The following NKX3-2 variants were observed in gnomAD, a reference collection of about 807,000 sequenced individuals.
NKX3-2 encodes NK3 homeobox 2.
NKX3-2 carries 13 observed loss-of-function variants against 19.4 expected under a neutral mutation model. That is an observed-to-expected ratio of 0.67 (90% CI 0.44 to 1.07). The LOEUF (loss-of-function observed/expected upper bound fraction) is 1.07. NKX3-2 is among the 50% of genes least tolerant of loss of function. The probability of loss-of-function intolerance (pLI) is 0.00; values close to 1 mark genes in which losing one functional copy is unlikely to be tolerated. For missense variants in NKX3-2, 562 were observed against 488.2 expected, an observed-to-expected ratio of 1.15 and a Z score of -1.42; for synonymous variants, 269 against 230.5, an observed-to-expected ratio of 1.17 and a Z score of -1.51.
rs1225877717 is a variant in NKX3-2 at position 13,542,961 on chromosome 4, G to A, written c.467-433C>T. ...TTAGTTCACACGCACACACGCGCGCGTCCTCGCAGCACACACTTGTCTGGT... is the reference window on the plus strand; with the variant it reads ...TTAGTTCACACGCACACACGCGCGCATCCTCGCAGCACACACTTGTCTGGT... On this transcript the variant is annotated intron_variant, in intron 1 of 1. Coordinates refer to ENST00000382438, the MANE Select transcript of NKX3-2 (RefSeq NM_001189.4). The surrounding 1 kb of genome is among the most constrained non-coding windows in gnomAD (Gnocchi z 6.4). 6.6e-6 allele frequency among the ~76,000 whole-genome samples: 1 copy of A among 152,036 alleles called. No homozygotes were observed. Among genetic ancestry groups the A allele is most frequent in the East Asian group, 2.0e-4 (1 of 5,108 alleles).
chr4:13,544,196 A>G lies in NKX3-2; in HGVS notation c.219T>C (p.Ser73=). Reference sequence around the variant, plus strand: ...CCGCAGCTGTTCTGGTACCGGCAGGAGACGCCAGCAGAGAGTCCTCGGCGC... The same window carrying G: ...CCGCAGCTGTTCTGGTACCGGCAGGGGACGCCAGCAGAGAGTCCTCGGCGC... The part of the protein sequence containing the change: ...LGGAEDSLLA[S]PAGTRTAAGR... The change falls in exon 1 of 2, where the codon TCT becomes TCC. Residue 73 remains serine, a synonymous_variant. Transcript: ENST00000382438. 6.2e-7 allele frequency: 1 copy of G among 1,600,870 alleles called. No individual in the cohort carries two copies. The highest frequency in any genetic ancestry group is 8.5e-7 in the Non-Finnish European group (1 of 1,178,590).
Position 13,541,853 on chromosome 4 carries a change from T to C in NKX3-2, c.*140A>G. The C allele has an allele frequency of 3.0e-6, 4 of 1,345,366 alleles. No individual in the cohort carries two copies. The highest frequency in any genetic ancestry group is 4.0e-6 in the Non-Finnish European group (4 of 987,660). 83.3% of individuals were successfully genotyped at this position (1,345,366 alleles called of 1,614,324 possible). ...AGCCCAGCTGCCAGGGGACAAGTCC[T>C]GGCTAACGGGAGCTGGAGCTGGGTT... is the stretch of plus-strand genomic sequence containing the variant. On this transcript the variant is annotated 3_prime_UTR_variant, in exon 2 of 2. Transcript: ENST00000382438.
Position 13,541,538 on chromosome 4 carries a change from T to C in NKX3-2, c.*455A>G, listed in dbSNP as rs182009909. ...ATGCAATTTCCAAAAATAAAAGATATGTAGATACACATAGATTGGTAGCAT... is the reference window on the plus strand; with the variant it reads ...ATGCAATTTCCAAAAATAAAAGATACGTAGATACACATAGATTGGTAGCAT... On this transcript the variant is annotated 3_prime_UTR_variant, in exon 2 of 2. Transcript: ENST00000382438. 162 of 158,622 alleles carry C rather than the reference T, an allele frequency of 1.0e-3. No homozygotes were observed. The highest frequency in any genetic ancestry group is 1.8e-3 in the Non-Finnish European group (132 of 72,692). 9.8% of individuals were successfully genotyped at this position (158,622 alleles called of 1,614,324 possible). A position where few individuals can be genotyped will look rare whatever the true frequency, so the allele number is the denominator to read the frequency against.
At position 13,543,852 on chromosome 4, in the gene NKX3-2, G is replaced by C; in HGVS notation, c.466+97C>G. On this transcript the variant is annotated intron_variant, in intron 1 of 1. Transcript: ENST00000382438. This position sits in a 1 kb window ranked among gnomAD's most constrained non-coding sequence, Gnocchi z 7.1. Reference sequence around the variant, plus strand: ...GATTTGGCCAGCCTCCGAGCCCCAGGGCGCAGGGTGCTCAAGCCGACCACC... The same window carrying C: ...GATTTGGCCAGCCTCCGAGCCCCAGCGCGCAGGGTGCTCAAGCCGACCACC... 1 of 1,140,456 alleles carries C rather than the reference G, an allele frequency of 8.8e-7. No homozygotes were observed. Among genetic ancestry groups the C allele is most frequent in the Non-Finnish European group, 1.2e-6 (1 of 843,154 alleles). The allele number at this position is 1,140,456 out of a possible 1,614,324, so 70.6% of individuals were successfully genotyped here. A position where few individuals can be genotyped will look rare whatever the true frequency, so the allele number is the denominator to read the frequency against.
At position 13,542,367 on chromosome 4, in the gene NKX3-2, G is replaced by A; in HGVS notation, c.628C>T (p.Arg210Trp). Residue 210 changes from arginine (R) to tryptophan (W), a missense_variant, in exon 2 of 2, where the codon CGG becomes TGG. Physicochemically the swap from Arg to Trp is moderately radical, Grantham distance 101. Coordinates refer to ENST00000382438, the MANE Select transcript of NKX3-2 (RefSeq NM_001189.4). The surrounding 1 kb of genome is among the most constrained non-coding windows in gnomAD (Gnocchi z 6.4). ...AAPKPRKKRS[R>W]AAFSHAQVFE... ...ACCTGCGCGTGGGAGAAAGCGGCCC[G>A]CGAGCGCTTCTTGCGTGGCTTGGGC... 6.6e-7 allele frequency: 1 copy of A among 1,523,608 alleles called. No homozygotes were observed. The highest frequency in any genetic ancestry group is 8.8e-7 in the Non-Finnish European group (1 of 1,138,430). The allele number at this position is 1,523,608 out of a possible 1,614,324, so 94.4% of individuals were successfully genotyped here. A position where few individuals can be genotyped will look rare whatever the true frequency, so the allele number is the denominator to read the frequency against.
chr4:13,543,840 T>C lies in NKX3-2; in HGVS notation c.466+109A>G. On this transcript the variant is annotated intron_variant, in intron 1 of 1. Transcript: ENST00000382438. The surrounding 1 kb of genome is among the most constrained non-coding windows in gnomAD (Gnocchi z 7.1). ...GCAGAACTTCGGGATTTGGCCAGCC[T>C]CCGAGCCCCAGGGCGCAGGGTGCTC... is the stretch of plus-strand genomic sequence containing the variant. 5 of 1,058,192 alleles carry C rather than the reference T, an allele frequency of 4.7e-6. No individual in the cohort carries two copies. Among genetic ancestry groups the C allele is most frequent in the Non-Finnish European group, 6.5e-6 (5 of 769,328 alleles). The allele number at this position is 1,058,192 out of a possible 1,614,324, so 65.6% of individuals were successfully genotyped here.
In NKX3-2 at chr4:13,543,957, C is replaced by A; in HGVS notation, c.458G>T (p.Ser153Ile). ...AGRSDSEMSA[S>I]VSGDRSPRTE... ...GCGAAGCCGCAGCAGACCTGAGACG[C>A]TGGCGGACATCTCGCTGTCGCTCCG... Residue 153 changes from serine to isoleucine, a missense_variant, in exon 1 of 2, where the codon AGC (serine) becomes ATC (isoleucine). Transcript: ENST00000382438. This position sits in a 1 kb window ranked among gnomAD's most constrained non-coding sequence, Gnocchi z 7.1. 3 of 1,547,558 alleles carry A rather than the reference C, an allele frequency of 1.9e-6. No homozygotes were observed. The highest frequency in any genetic ancestry group is 2.6e-6 in the Non-Finnish European group (3 of 1,148,580).
upstream of NKX3-2, chr4:13,544,552 C>CA (rs999921153): frequency 2.3e-5 from 10 of 431,936 alleles, no homozygotes; most frequent in Non-Finnish European, 3.7e-5. Context: ...CTGCGCGGCC[C>CA]AGCAGCTCCC....
At chr4:13,546,614 T>C (rs749689007), upstream of NKX3-2, 191 of 335,318 alleles carry the variant, frequency 5.7e-4, 1 homozygote, top group Admixed American at 7.1e-4. Context: ...TGGTGTCCCG[T>C]ACAGCGATCG....
upstream of NKX3-2, chr4:13,546,039 G>A (rs1422572829): frequency 6.6e-6 from 1 of 152,158 alleles, no homozygotes; most frequent in East Asian, 1.9e-4. Context: ...CTTTACCAGA[G>A]AGTTAACACC....
Position 13,541,903 on chromosome 4 carries a change from G to T in NKX3-2, c.*90C>A. 1 of 1,514,978 alleles carries T rather than the reference G, an allele frequency of 6.6e-7. No homozygotes were observed. The highest frequency in any genetic ancestry group is 8.9e-7 in the Non-Finnish European group (1 of 1,126,382). 93.8% of individuals were successfully genotyped at this position (1,514,978 alleles called of 1,614,324 possible). On this transcript the variant is annotated 3_prime_UTR_variant, in exon 2 of 2. Transcript: ENST00000382438. ...TTCACCTCCAGGTGCCTCCTTGGCG[G>T]GGCGCCCCGTGCAGGCTACAGCCTA...
chr4:13,542,128 G>A lies in NKX3-2; in HGVS notation c.867C>T (p.Asp289=). 4 of 1,611,500 alleles carry A rather than the reference G, an allele frequency of 2.5e-6. No homozygotes were observed. Among genetic ancestry groups the A allele is most frequent in the Non-Finnish European group, 2.5e-6 (3 of 1,178,478 alleles). The part of the protein sequence containing the change: ...KVAVKVLVRD[D]QRQYLPGEVL... ...CTTCGCCGGGCAGGTATTGTCTCTGGTCGTCGCGCACCAGCACCTTTACGG... is the reference window on the plus strand; with the variant it reads ...CTTCGCCGGGCAGGTATTGTCTCTGATCGTCGCGCACCAGCACCTTTACGG... Residue 289 remains aspartate, a synonymous_variant, in exon 2 of 2, where the codon GAC becomes GAT. Transcript: ENST00000382438. The surrounding 1 kb of genome is among the most constrained non-coding windows in gnomAD (Gnocchi z 6.4).
In NKX3-2 at chr4:13,542,310, G is replaced by T. The variant is rs746138458; in HGVS notation, c.685C>A (p.Arg229Ser). The T allele has an allele frequency of 1.9e-6, 3 of 1,601,278 alleles. No homozygotes were observed. Among genetic ancestry groups the T allele is most frequent in the Non-Finnish European group, 1.7e-6 (2 of 1,175,252 alleles). ...GCGCGCTCGGGCCCGGACAGGTAGCGCTGGTGGTTAAAGCGGCGCTCCAGC... is the reference window on the plus strand; with the variant it reads ...GCGCGCTCGGGCCCGGACAGGTAGCTCTGGTGGTTAAAGCGGCGCTCCAGC... ...FELERRFNHQ[R>S]YLSGPERADL... The change falls in exon 2 of 2, where the codon CGC (arginine) becomes AGC (serine). Residue 229 changes from arginine to serine, a missense_variant. By Grantham distance (110) the Arg-to-Ser change is moderately radical. Coordinates refer to ENST00000382438, the MANE Select transcript of NKX3-2 (RefSeq NM_001189.4). The surrounding 1 kb of genome is among the most constrained non-coding windows in gnomAD (Gnocchi z 6.4).
In NKX3-2 at chr4:13,544,404, C is replaced by A; in HGVS notation, c.11G>T (p.Arg4Leu). 6.5e-7 allele frequency: 1 copy of A among 1,532,742 alleles called. No homozygotes were observed. Among genetic ancestry groups the A allele is most frequent in the Non-Finnish European group, 8.7e-7 (1 of 1,149,826 alleles). 94.9% of individuals were successfully genotyped at this position (1,532,742 alleles called of 1,614,324 possible). Residue 4 changes from arginine to leucine, a missense_variant, in exon 1 of 2, where the codon CGC becomes CTC. Arg to Leu is a moderately radical substitution (Grantham distance 102). Transcript: ENST00000382438. The part of the protein sequence containing the change: MAV[R>L]GANTLTSFSI... The stretch of plus-strand genomic sequence containing the variant: ...GAAGGACGTCAAGGTGTTGGCGCCG[C>A]GCACAGCCATCTGCGCCGCGGGCAG...
In NKX3-2 at chr4:13,544,425, G is replaced by A. The variant is rs752719655; in HGVS notation, c.-11C>T. The stretch of plus-strand genomic sequence containing the variant: ...GCCGCGCACAGCCATCTGCGCCGCG[G>A]GCAGGAGCGGCCGGCGGGGCGGGCA... On this transcript the variant is annotated 5_prime_UTR_variant, in exon 1 of 2. Transcript: ENST00000382438. The A allele has an allele frequency of 1.1e-5, 17 of 1,490,710 alleles. No individual in the cohort carries two copies. Among genetic ancestry groups the A allele is most frequent in the Admixed American group, 4.7e-5 (2 of 42,838 alleles). The allele number at this position is 1,490,710 out of a possible 1,614,324, so 92.3% of individuals were successfully genotyped here.
chr4:13,544,093 C>T lies in NKX3-2; in HGVS notation c.322G>A (p.Ala108Thr). The stretch of plus-strand genomic sequence containing the variant: ...GCCCCGCTGGCCCCCCGCGCGTCCG[C>T]GCAGCGCCGCCTGCTCTCGTTCTCC... ...SEENESRRRCADARGASGAGL... is the reference protein window; with the variant it reads ...SEENESRRRCTDARGASGAGL... The change falls in exon 1 of 2, where the codon GCG becomes ACG. Residue 108 changes from alanine (A) to threonine (T), a missense_variant. Transcript: ENST00000382438. 3 of 1,590,054 alleles carry T rather than the reference C, an allele frequency of 1.9e-6. No individual in the cohort carries two copies. The highest frequency in any genetic ancestry group is 2.6e-6 in the Non-Finnish European group (3 of 1,170,954).
upstream of NKX3-2, chr4:13,546,819 C>T (rs1718142856): frequency 2.4e-6 from 1 of 411,074 alleles, no homozygotes; most frequent in African/African-American, 2.1e-5. Flanking sequence ...TAAAAAGAAT[C>T]CCAAATCACA....
At chr4:13,546,559 T>C (rs535276551), upstream of NKX3-2, 57 of 283,520 alleles carry the variant, frequency 2.0e-4, no homozygotes, top group Middle Eastern at 1.3e-3. Context: ...AGTGAGGAGA[T>C]TGACACTGGT....
chr4:13,547,175 G>T (rs1254461964), upstream of NKX3-2: 1 of 456,354 alleles, frequency 2.2e-6, no homozygotes, highest in Non-Finnish European at 4.4e-6. Flanking sequence ...GTGGTTGTAT[G>T]CCCAGAGATA....
Sources: allele counts gnomAD v4.1 joint callset (sites outside exome capture counted in the v4.1 genomes callset), GRCh38; gene constraint gnomAD v4.1.1; non-coding constraint Gnocchi (gnomAD v3.1); transcripts MANE v1.5; gene names NCBI Gene and HGNC (gene_info 2026-07-23, HGNC 2026-07-21).